Variants in FXYD6 observed in about 807,000 individuals in gnomAD.
The protein encoded by FXYD6 is FXYD domain-containing ion transport regulator 6.
A neutral mutation model predicts 16.7 loss-of-function variants in FXYD6; 7 were observed. That is an observed-to-expected ratio of 0.42 (90% CI 0.24 to 0.79). The LOEUF is 0.79. FXYD6 is among the 30% of genes least tolerant of loss of function. FXYD6 has a pLI of 0.28. For synonymous variants in FXYD6, 49 were observed against 43.0 expected (o/e 1.14, Z -0.54); for missense variants, 111 against 116.2 (o/e 0.95, Z 0.21).
At chr11:117,855,684 G>A (rs780727810) in intron 1 of FXYD6, among the ~76,000 whole-genome samples, 12 of 152,246 alleles carry the variant, frequency 7.9e-5, no homozygotes, top group Non-Finnish European at 1.3e-4. Context: ...CAGGAAGGAG[G>A]AGTCACTGGG....
At chr11:117,867,529 T>TA (rs1348524701) in intron 1 of FXYD6, among the ~76,000 whole-genome samples, 3 of 152,092 alleles carry the variant, frequency 2.0e-5, no homozygotes, top group African/African-American at 7.3e-5. Context: ...CTAACCTTTC[T>TA]AAAGTGTATT....
intron 1 of FXYD6, among the ~76,000 whole-genome samples, chr11:117,873,373 C>T (rs2057180904): frequency 6.6e-6 from 1 of 152,208 alleles, no homozygotes; most frequent in South Asian, 2.1e-4. Flanking sequence ...CCACTATTGA[C>T]AGATGCGGAA....
intron 1 of FXYD6, among the ~76,000 whole-genome samples, chr11:117,861,519 T>G (rs1036541113): frequency 7.9e-5 from 12 of 152,246 alleles, no homozygotes; most frequent in Non-Finnish European, 4.4e-5. Context: ...TGGAGTTCTG[T>G]TGCTGTCATT....
At chr11:117,861,729 T>C (rs1262588968) in intron 1 of FXYD6, among the ~76,000 whole-genome samples, 1 of 152,126 alleles carries the variant, frequency 6.6e-6, no homozygotes, top group Non-Finnish European at 1.5e-5. Context: ...AGTTACTTCC[T>C]CCCCCTTCCC....
At chr11:117,848,099 C>A (rs954788215) in intron 1 of FXYD6, among the ~76,000 whole-genome samples, 1 of 152,138 alleles carries the variant, frequency 6.6e-6, no homozygotes, top group Non-Finnish European at 1.5e-5. Context: ...ATTTATATTT[C>A]TTGTCCTAGT....
chr11:117,877,071 A>G (rs982800072), upstream of FXYD6: 6 of 152,280 alleles, frequency 3.9e-5, no homozygotes, highest in Non-Finnish European at 8.8e-5. Flanking sequence ...GACAGGCACA[A>G]TGACAGACCT....
chr11:117,861,553 G>A (rs1007499820), intron 1 of FXYD6, among the ~76,000 whole-genome samples: 10 of 152,368 alleles, frequency 6.6e-5, no homozygotes, highest in African/African-American at 2.2e-4. Context: ...GACGGCCTGT[G>A]GACGGAGCTG....
At chr11:117,868,353 C>T (rs1453247604) in intron 1 of FXYD6, among the ~76,000 whole-genome samples, 2 of 152,288 alleles carry the variant, frequency 1.3e-5, no homozygotes, top group South Asian at 2.1e-4. Context: ...CTGATTGTAT[C>T]GTCTTGGTGT....
At chr11:117,873,427 G>A (rs2057182565) in intron 1 of FXYD6, among the ~76,000 whole-genome samples, 2 of 152,254 alleles carry the variant, frequency 1.3e-5, no homozygotes, top group South Asian at 4.1e-4. Flanking sequence ...CTGAAGAGCA[G>A]TCCAAGCCAT....
chr11:117,839,163 G>C (rs1028360309), intron 7 of FXYD6: 2 of 152,890 alleles, frequency 1.3e-5, no homozygotes, highest in African/African-American at 4.8e-5. Context: ...CTATAAAATG[G>C]GCTAAACCCC....
chr11:117,858,314 A>G (rs118064369), intron 1 of FXYD6: 1 of 152,416 alleles, frequency 6.6e-6, no homozygotes, highest in East Asian at 1.9e-4. Context: ...AAAATGAAGG[A>G]CAAAAGGACA....
At chr11:117,847,250 T>C (rs1459601687) in intron 1 of FXYD6, among the ~76,000 whole-genome samples, 1 of 152,248 alleles carries the variant, frequency 6.6e-6, no homozygotes, top group East Asian at 1.9e-4. Flanking sequence ...TGTAATAACT[T>C]ACCTAGAAAT....
chr11:117,840,297 G>A (rs2056308288), intron 6 of FXYD6, 22 bp downstream of exon 6: 1 of 1,614,046 alleles, frequency 6.2e-7, no homozygotes, highest in East Asian at 2.2e-5. Flanking sequence ...TTCCACCTGG[G>A]CAGGTGGTCA....
rs1054343189 is a variant in FXYD6 at position 117,872,326 on chromosome 11, T to G, written c.-6+4266A>C. The stretch of plus-strand genomic sequence containing the variant: ...TGATTGCATGGAGGGGCTCTTCCTA[T>G]GGAGGAAGAAAGTCGCAGGGCCTCC... On this transcript the variant is annotated intron_variant, in intron 1 of 7. Transcript: ENST00000526014. This position sits in a 1 kb window ranked among gnomAD's most constrained non-coding sequence, Gnocchi z 4.9. 6.6e-6 allele frequency among the ~76,000 whole-genome samples: 1 copy of G among 152,058 alleles called. No individual in the cohort carries two copies. Among genetic ancestry groups the G allele is most frequent in the African/African-American group, 2.4e-5 (1 of 41,396 alleles).
In FXYD6 at chr11:117,870,752, A is replaced by G. The variant is rs1024726467; in HGVS notation, c.-6+5840T>C. On this transcript the variant is annotated intron_variant, in intron 1 of 7. Coordinates refer to ENST00000526014, the MANE Select transcript of FXYD6 (RefSeq NM_022003.4). This position sits in a 1 kb window ranked among gnomAD's most constrained non-coding sequence, Gnocchi z 4.2. The stretch of plus-strand genomic sequence containing the variant: ...CTGTCTCTGTTTCAGGAAACACATT[A>G]TCCCCTCCCTCCCCTCAATGCATCC... Among the ~76,000 whole-genome samples, 23 of 151,956 alleles carry G rather than the reference A, an allele frequency of 1.5e-4. No individual in the cohort carries two copies. The highest frequency in any genetic ancestry group is 5.6e-4 in the African/African-American group (23 of 41,350).
At chr11:117,845,024 C>T (rs1400458031) in intron 1 of FXYD6, among the ~76,000 whole-genome samples, 1 of 152,190 alleles carries the variant, frequency 6.6e-6, no homozygotes. Flanking sequence ...AGGAAGTTTG[C>T]CATCTTAAAC....
chr11:117,870,194 A>G lies in FXYD6; in HGVS notation c.-6+6398T>C, dbSNP rs372905939. ...CCGCGCCTTGCCCAGAGGGAGTCAG[A>G]GTGGGATTCAGGCCTCCTGCCTGCC... On this transcript the variant is annotated intron_variant, in intron 1 of 7. Transcript: ENST00000526014. The surrounding 1 kb of genome is among the most constrained non-coding windows in gnomAD (Gnocchi z 4.2). Among the ~76,000 whole-genome samples the G allele has an allele frequency of 1.8e-3, 280 of 152,362 alleles. 13 individuals are homozygous for G. In the South Asian group the frequency reaches 0.055, roughly 30 times the overall value.
chr11:117,869,282 T>C (rs1197162441), intron 1 of FXYD6: 1 of 152,212 alleles, frequency 6.6e-6, no homozygotes, highest in Non-Finnish European at 1.5e-5. Context: ...ACTGCTGAAT[T>C]TCCCAAGCTG....
chr11:117,858,900 C>G (rs1674937299), intron 1 of FXYD6, among the ~76,000 whole-genome samples: 3 of 151,738 alleles, frequency 2.0e-5, no homozygotes, highest in African/African-American at 7.3e-5. Context: ...CTCAGCCTCC[C>G]GAGTAGCTGG....
Sources: allele counts gnomAD v4.1 joint callset (sites outside exome capture counted in the v4.1 genomes callset), GRCh38; gene constraint gnomAD v4.1.1; non-coding constraint Gnocchi (gnomAD v3.1); transcripts MANE v1.5; gene names NCBI Gene and HGNC (gene_info 2026-07-23, HGNC 2026-07-21).